SHTN1: variants seen among roughly 807,000 people sequenced by gnomAD.
SHTN1 encodes the protein shootin-1.
Under a neutral mutation model 83.1 loss-of-function variants are expected in SHTN1, and 42 were observed. The observed-to-expected ratio is 0.51, with a 90% CI of 0.39 to 0.65. SHTN1 has a LOEUF of 0.65. Among genes scored for constraint, SHTN1 ranks in the 30% least tolerant of loss-of-function variants. SHTN1 has a pLI of 0.00. For missense variants in SHTN1, 622 were observed against 737.8 expected, an observed-to-expected ratio of 0.84 and a Z score of 1.82; for synonymous variants, 224 against 247.7, an observed-to-expected ratio of 0.90 and a Z score of 0.90.
chr10:117,125,479 C>T (rs72833467), intron 1 of SHTN1, among the ~76,000 whole-genome samples: 1,572 of 152,240 alleles, frequency 0.01, 5 homozygotes, highest in Non-Finnish European at 0.017. Flanking sequence ...CACCTGTCGG[C>T]ACCCATCTCA....
At position 116,887,930 on chromosome 10, in the gene SHTN1, C is replaced by T. The variant is rs76264567; in HGVS notation, c.1674-1364G>A. Among the ~76,000 whole-genome samples, 1,073 of 152,240 alleles carry T rather than the reference C, an allele frequency of 7.0e-3. 4 individuals carry two copies. Among genetic ancestry groups the T allele is most frequent in the Middle Eastern group, 0.048 (14 of 294 alleles). ...ATGATCAACTACTGAGCAAAAGTAA[C>T]CTGCATGACCCGGTCACGGGCACAA... is the stretch of plus-strand genomic sequence containing the variant. On this transcript the variant is annotated intron_variant, in intron 16 of 16. Coordinates refer to ENST00000355371, the MANE Select transcript of SHTN1 (RefSeq NM_001127211.3).
chr10:117,051,999 C>CATATACATATATATATATATATATAT (rs1852748510), intron 1 of SHTN1, among the ~76,000 whole-genome samples: 1 of 34,114 alleles, frequency 2.9e-5, no homozygotes, highest in African/African-American at 8.4e-5. Context: ...ATGACATAAT[C>CATATACATATATATATATATATATAT]ATATATATAT....
At chr10:117,068,893 T>C (rs1853041897) in intron 1 of SHTN1, among the ~76,000 whole-genome samples, 1 of 152,204 alleles carries the variant, frequency 6.6e-6, no homozygotes, top group African/African-American at 2.4e-5. Flanking sequence ...TATTTCCGCT[T>C]TTGTTTATGT....
intron 3 of SHTN1, among the ~76,000 whole-genome samples, chr10:116,965,257 C>T (rs1850346966): frequency 6.6e-6 from 1 of 152,158 alleles, no homozygotes; most frequent in Non-Finnish European, 1.5e-5. Context: ...TGGCTCACGC[C>T]TGTAATCGCA....
intron 1 of SHTN1, among the ~76,000 whole-genome samples, chr10:116,979,662 T>C (rs753058113): frequency 7.2e-5 from 11 of 152,212 alleles, no homozygotes; most frequent in Non-Finnish European, 1.3e-4. Context: ...CCCTAGGTCA[T>C]TAGGAACACC....
chr10:117,032,633 C>T (rs557556507), intron 2 of SHTN1, among the ~76,000 whole-genome samples: 2 of 152,282 alleles, frequency 1.3e-5, no homozygotes, highest in South Asian at 2.1e-4. Flanking sequence ...CAGCACTGGA[C>T]AGATCTAACA....
intron 2 of SHTN1, among the ~76,000 whole-genome samples, chr10:116,976,574 T>C (rs1289192283): frequency 3.3e-5 from 5 of 152,166 alleles, no homozygotes; most frequent in African/African-American, 9.7e-5. Context: ...CCATACGTAT[T>C]TGCTGATGTC....
chr10:116,965,582 G>C (rs1056038950), intron 3 of SHTN1, among the ~76,000 whole-genome samples: 2 of 152,202 alleles, frequency 1.3e-5, no homozygotes, highest in Non-Finnish European at 1.5e-5. Flanking sequence ...AGCACCAAAA[G>C]AAACTTCCTC....
chr10:116,960,410 TAGAA>T (rs1317391933), intron 3 of SHTN1, 180 bp from the exon 4 acceptor site: 1 of 487,526 alleles, frequency 2.1e-6, no homozygotes, highest in East Asian at 3.0e-5. Flanking sequence ...TATTTGAATG[TAGAA>T]AGAAACAAGA....
At chr10:117,097,408 T>A (rs1477765435) in intron 1 of SHTN1, among the ~76,000 whole-genome samples, 2 of 152,244 alleles carry the variant, frequency 1.3e-5, no homozygotes, top group Non-Finnish European at 2.9e-5. Flanking sequence ...AAAATTTTAA[T>A]TCACTGTTCT....
chr10:116,909,021 CTA>C (rs1848085240), intron 14 of SHTN1, among the ~76,000 whole-genome samples: 1 of 152,160 alleles, frequency 6.6e-6, no homozygotes. Flanking sequence ...AATACCAAGA[CTA>C]TTTTAGTTAT....
At chr10:117,006,342 A>G (rs925910785), upstream of SHTN1, among the ~76,000 whole-genome samples, 13 of 151,422 alleles carry the variant, frequency 8.6e-5, no homozygotes, top group East Asian at 2.0e-4. Flanking sequence ...CAAGGCGGGC[A>G]GATCACGAGG....
chr10:117,090,752 CAGAAGGAAGGAAGGAAGGAAGGAAGGAA>C lies in SHTN1; in HGVS notation c.-189+35527_-189+35554del, dbSNP rs1240449106. Among the ~76,000 whole-genome samples the C allele has an allele frequency of 1.4e-3, 155 of 110,644 alleles. 2 individuals carry two copies. The highest frequency in any genetic ancestry group is 0.011 in the Middle Eastern group (2 of 178). 72.6% of individuals were successfully genotyped at this position (110,644 alleles called of 152,430 possible). On this transcript the variant is annotated intron_variant, in intron 1 of 17. Coordinates refer to the SHTN1 transcript ENST00000392901. ...AGCCATGTGCCCTAATTTGTGAAAA[CAGAAGGAAGGAAGGAAGGAAGGAAGGAA>C]GGAAGGAAGGAAGGAAGGAAGGAAG...
At chr10:117,102,109 T>C (rs1259892306) in intron 1 of SHTN1, among the ~76,000 whole-genome samples, 1 of 150,716 alleles carries the variant, frequency 6.6e-6, no homozygotes, top group East Asian at 1.9e-4. Context: ...AAGACTAGGA[T>C]GCTGACTTTC....
At chr10:117,097,383 A>C (rs1164182258) in intron 1 of SHTN1, among the ~76,000 whole-genome samples, 2 of 152,258 alleles carry the variant, frequency 1.3e-5, no homozygotes, top group Non-Finnish European at 2.9e-5. Context: ...AAGAGAAAAA[A>C]GTAATTCTTA....
intron 11 of SHTN1, among the ~76,000 whole-genome samples, chr10:116,926,146 G>A (rs1266358420): frequency 6.6e-6 from 1 of 151,978 alleles, no homozygotes; most frequent in East Asian, 1.9e-4. Flanking sequence ...CTGAACATTC[G>A]TTTCTCAGCG....
At chr10:117,100,908 T>C (rs1936491050) in intron 1 of SHTN1, among the ~76,000 whole-genome samples, 3 of 152,008 alleles carry the variant, frequency 2.0e-5, no homozygotes, top group South Asian at 4.1e-4. Context: ...GTGACTAACA[T>C]AGATGAAGGT....
At chr10:116,923,560 CTTT>C in intron 11 of SHTN1, among the ~76,000 whole-genome samples, 1 of 143,790 alleles carries the variant, frequency 7.0e-6, no homozygotes, top group Admixed American at 7.0e-5. Context: ...CCTTTCTTTC[CTTT>C]TTTTTTTTTT....
chr10:117,072,836 G>C (rs1898356), intron 1 of SHTN1, among the ~76,000 whole-genome samples: 139,009 of 152,168 alleles, frequency 0.91, 64,760 homozygotes, highest in Non-Finnish European at 1. Context: ...ACTAGCTCAC[G>C]AGCAATGGAT....
Sources: allele counts gnomAD v4.1 joint callset (sites outside exome capture counted in the v4.1 genomes callset), GRCh38; gene constraint gnomAD v4.1.1; transcripts MANE v1.5; gene names NCBI Gene and HGNC (gene_info 2026-07-23, HGNC 2026-07-21).